Variants in COL4A5 observed in about 807,000 individuals in gnomAD.
The protein encoded by COL4A5 is collagen type IV alpha 5 chain.
A neutral mutation model predicts 130.2 loss-of-function variants in COL4A5; 26 were observed. The observed-to-expected ratio is 0.20, with a 90% confidence interval of 0.15 to 0.28. The LOEUF (loss-of-function observed/expected upper bound fraction) is 0.28, where lower values mean the gene tolerates loss of function less well. Among genes scored for constraint, COL4A5 ranks in the 10% least tolerant of loss-of-function variants. The probability of loss-of-function intolerance (pLI) is 1.00; values close to 1 mark genes in which losing one functional copy is unlikely to be tolerated. For missense variants in COL4A5, 1,131 were observed against 1,344.3 expected (o/e 0.84, Z 2.48); for synonymous variants, 496 against 439.6 (o/e 1.13, Z -1.60).
intron 1 of COL4A5, among the ~76,000 whole-genome samples, chrX:108,474,414 T>C (rs927639397): frequency 2.7e-5 from 3 of 112,204 alleles, no homozygotes; most frequent in Non-Finnish European, 5.6e-5. Flanking sequence ...TACAGATTTA[T>C]AGCCTAGAAG....
chrX:108,518,590 C>T (rs1490100048), intron 1 of COL4A5, among the ~76,000 whole-genome samples: 1 of 110,733 alleles, frequency 9.0e-6, no homozygotes, highest in Admixed American at 9.7e-5. Flanking sequence ...CCTTTCTTAA[C>T]TCTCACATTA....
chrX:108,479,511 A>G (rs778023979), intron 1 of COL4A5, among the ~76,000 whole-genome samples: 1 of 112,018 alleles, frequency 8.9e-6, no homozygotes, highest in Admixed American at 9.4e-5. Flanking sequence ...TGGTGCCTGC[A>G]TATCGTGCAG....
intron 1 of COL4A5, among the ~76,000 whole-genome samples, chrX:108,506,429 G>T (rs769812120): frequency 2.8e-5 from 3 of 108,818 alleles, no homozygotes; most frequent in Non-Finnish European, 5.7e-5. Context: ...AACATTTTTG[G>T]CACCAGGGAC....
At chrX:108,592,932 A>C (rs2066459931) in intron 21 of COL4A5, among the ~76,000 whole-genome samples, 1 of 111,294 alleles carries the variant, frequency 9.0e-6, no homozygotes, top group African/African-American at 3.3e-5. Context: ...AACTTTGTGT[A>C]CATGGAATTA....
At chrX:108,467,467 G>A (rs2064717207) in intron 1 of COL4A5, among the ~76,000 whole-genome samples, 1 of 111,425 alleles carries the variant, frequency 9.0e-6, no homozygotes, top group Non-Finnish European at 1.9e-5. Flanking sequence ...TTTCCAGATT[G>A]TTTTGGTTCT....
At chrX:108,624,576 G>A (rs1460322681) in intron 34 of COL4A5, among the ~76,000 whole-genome samples, 1 of 112,033 alleles carries the variant, frequency 8.9e-6, no homozygotes, top group Admixed American at 9.5e-5. Flanking sequence ...TGGCAGCAGG[G>A]TATACACAGA....
chrX:108,687,538 C>T lies in COL4A5; in HGVS notation c.4372C>T (p.Pro1458Ser), dbSNP rs1379422379. 1.7e-6 allele frequency: 2 copies of T among 1,211,105 alleles called. No individual in the cohort carries two copies. Among genetic ancestry groups the T allele is most frequent in the Non-Finnish European group, 2.2e-6 (2 of 895,158 alleles). ...GPDGLQGPPGPPGTSSVAHGF... is the reference protein window; with the variant it reads ...GPDGLQGPPGSPGTSSVAHGF... Reference sequence around the variant, plus strand: ...AGATGGATTGCAAGGTCCCCCAGGTCCCCCTGGAACCTCCTCTGTTGCACA... The same window carrying T: ...AGATGGATTGCAAGGTCCCCCAGGTTCCCCTGGAACCTCCTCTGTTGCACA... The change falls in exon 49 of 53, where the codon CCC (proline) becomes TCC (serine). Residue 1458 changes from proline (P) to serine (S), a missense_variant. Physicochemically the swap from Pro to Ser is moderately conservative, Grantham distance 74. Transcript: ENST00000328300.
At chrX:108,526,597 T>TCCC (rs2065316744) in intron 1 of COL4A5, among the ~76,000 whole-genome samples, 3 of 18,350 alleles carry the variant, frequency 1.6e-4, no homozygotes, top group African/African-American at 2.7e-4. Context: ...CCCTCCCTCC[T>TCCC]TTCTTTCTTT....
chrX:108,592,849 T>G (rs191499947), intron 21 of COL4A5, among the ~76,000 whole-genome samples: 54 of 110,317 alleles, frequency 4.9e-4, no homozygotes, highest in Non-Finnish European at 7.2e-4. Flanking sequence ...AAGACTCTTG[T>G]GCTCCCTACT....
intron 1 of COL4A5, 72 bp downstream of exon 1, chrX:108,440,278 G>A: frequency 2.7e-6 from 2 of 730,195 alleles, no homozygotes; most frequent in East Asian, 3.3e-5. Context: ...TTTTGGGGGG[G>A]GGGTCCCTTT....
intron 2 of COL4A5, among the ~76,000 whole-genome samples, chrX:108,553,708 C>G (rs1030166639): frequency 8.9e-6 from 1 of 111,758 alleles, no homozygotes; most frequent in Non-Finnish European, 1.9e-5. Context: ...ATTAAATGAC[C>G]CTGTTGATTC....
chrX:108,608,863 G>A (rs941511799), intron 29 of COL4A5, among the ~76,000 whole-genome samples: 1 of 111,045 alleles, frequency 9.0e-6, no homozygotes, highest in South Asian at 3.7e-4. Flanking sequence ...AAGTTATTTC[G>A]CCTGTTAACT....
chrX:108,687,763 A>G, intron 49 of COL4A5, 69 bp downstream of exon 49: 3 of 1,051,818 alleles, frequency 2.9e-6, no homozygotes, highest in Non-Finnish European at 4.0e-6. Flanking sequence ...GTTGGGTTCT[A>G]GAGTAGCCTT....
intron 36 of COL4A5, among the ~76,000 whole-genome samples, chrX:108,643,417 G>C (rs1487306090): frequency 9.0e-6 from 1 of 111,531 alleles, no homozygotes; most frequent in Non-Finnish European, 1.9e-5. Context: ...TCGTCATCAG[G>C]TTATCTAAAG....
intron 1 of COL4A5, among the ~76,000 whole-genome samples, chrX:108,490,852 TC>T (rs2064987232): frequency 9.0e-6 from 1 of 111,341 alleles, no homozygotes; most frequent in Non-Finnish European, 1.9e-5. Context: ...TTCTTGGTGT[TC>T]GTAAGTTCTT....
intron 8 of COL4A5, among the ~76,000 whole-genome samples, chrX:108,573,105 C>A (rs61605716): frequency 0.1 from 11,261 of 108,376 alleles, 1,293 homozygotes; most frequent in African/African-American, 0.34. Context: ...ACTACCCAAG[C>A]TAATTTTCTC....
At chrX:108,450,038 G>A (rs1463442082) in intron 1 of COL4A5, among the ~76,000 whole-genome samples, 1 of 111,484 alleles carries the variant, frequency 9.0e-6, no homozygotes, top group Non-Finnish European at 1.9e-5. Context: ...TACTCTCAGG[G>A]GGGAGAAAGC....
chrX:108,694,650 G>A, intron 50 of COL4A5, 157 bp from the exon 51 acceptor site: 1 of 500,639 alleles, frequency 2.0e-6, no homozygotes, highest in Non-Finnish European at 3.6e-6. Context: ...ACAATACTTA[G>A]CAAATGCAAT....
chrX:108,489,544 T>A (rs1454698328), intron 1 of COL4A5, among the ~76,000 whole-genome samples: 2 of 112,243 alleles, frequency 1.8e-5, no homozygotes, highest in Non-Finnish European at 3.8e-5. Flanking sequence ...TTCCACGTAT[T>A]GTTTGCTTTT....
Sources: gnomAD v4.1 joint callset for allele counts (sites outside exome capture counted in the v4.1 genomes callset) on GRCh38, gnomAD v4.1.1 for gene constraint, MANE v1.5 for transcripts, NCBI Gene and HGNC (gene_info 2026-07-23, HGNC 2026-07-21) for gene names.